The following PTPN2 variants were observed in gnomAD, a reference collection of about 807,000 sequenced individuals.
The protein encoded by PTPN2 is tyrosine-protein phosphatase non-receptor type 2.
Under a neutral mutation model 57.3 loss-of-function variants are expected in PTPN2, and 19 were observed. The observed-to-expected ratio is 0.33, with a 90% CI of 0.23 to 0.49. The LOEUF is 0.49. PTPN2 is among the 20% of genes least tolerant of loss of function. PTPN2 has a pLI of 0.99. For synonymous variants in PTPN2, 153 were observed against 164.9 expected (o/e 0.93, Z 0.55); for missense variants, 358 against 501.1 (o/e 0.71, Z 2.73).
exon 10 of PTPN2, chr18:12,785,752 G>A: frequency 2.1e-6 from 3 of 1,409,474 alleles, no homozygotes; most frequent in South Asian, 2.3e-5. Flanking sequence ...TTCCGGAGTG[G>A]GCTTCAGGTC....
At chr18:12,838,148 T>C (rs1336427837) in intron 2 of PTPN2, among the ~76,000 whole-genome samples, 2 of 152,224 alleles carry the variant, frequency 1.3e-5, no homozygotes, top group Non-Finnish European at 2.9e-5. Flanking sequence ...AACTACATGA[T>C]TTTAAAATTA....
chr18:12,879,560 G>A (rs1254307877), intron 1 of PTPN2, among the ~76,000 whole-genome samples: 1 of 152,208 alleles, frequency 6.6e-6, no homozygotes, highest in Non-Finnish European at 1.5e-5. Flanking sequence ...AAACTCTGAA[G>A]AAGTAATAAA....
At chr18:12,850,882 G>A (rs368999246) in intron 2 of PTPN2, among the ~76,000 whole-genome samples, 1 of 152,060 alleles carries the variant, frequency 6.6e-6, no homozygotes, top group Non-Finnish European at 1.5e-5. Context: ...TGAGATTACA[G>A]GCATGCACCA....
chr18:12,796,223 A>C (rs1383255265), intron 8 of PTPN2, among the ~76,000 whole-genome samples: 2 of 152,224 alleles, frequency 1.3e-5, no homozygotes, highest in African/African-American at 4.8e-5. Flanking sequence ...ATATAGTATC[A>C]ATCTTTGATT....
chr18:12,876,261 G>A (rs2044484124), intron 1 of PTPN2, among the ~76,000 whole-genome samples: 1 of 118,060 alleles, frequency 8.5e-6, no homozygotes, highest in African/African-American at 3.4e-5. Context: ...GGGAGTTCAA[G>A]ACCAGACCAG....
chr18:12,878,065 A>G (rs2044550414), intron 1 of PTPN2, among the ~76,000 whole-genome samples: 1 of 152,188 alleles, frequency 6.6e-6, no homozygotes, highest in African/African-American at 2.4e-5. Context: ...GGCCAGGCAC[A>G]GTGGCTCATG....
At chr18:12,807,586 A>AATATATATATATATATATATATAT (rs1339941310) in intron 7 of PTPN2, among the ~76,000 whole-genome samples, 3 of 35,170 alleles carry the variant, frequency 8.5e-5, no homozygotes, top group South Asian at 2.5e-3. Flanking sequence ...AAAAAAAAAA[A>AATATATATATATATATATATATAT]ATATATATAT....
chr18:12,805,639 CTT>C (rs755422217), intron 7 of PTPN2, among the ~76,000 whole-genome samples: 42 of 114,072 alleles, frequency 3.7e-4, no homozygotes, highest in African/African-American at 8.4e-4. Flanking sequence ...TGCCTCCTTT[CTT>C]TTTTTTTTTT....
Position 12,793,689 on chromosome 18 carries a change from C to T in PTPN2, c.*589G>A, listed in dbSNP as rs1179588033. On this transcript the variant is annotated 3_prime_UTR_variant, in exon 9 of 9. Coordinates refer to ENST00000309660, the MANE Select transcript of PTPN2 (RefSeq NM_002828.4). ...GAAAATGTATCCAGTACAATTCAAT[C>T]GACATACAATTTATTTTTTTAGTAA... 5.1e-6 allele frequency: 5 copies of T among 982,928 alleles called. No individual in the cohort carries two copies. Among genetic ancestry groups the T allele is most frequent in the South Asian group, 4.7e-5 (1 of 21,292 alleles). The allele number at this position is 982,928 out of a possible 1,614,324, so 60.9% of individuals were successfully genotyped here.
intron 5 of PTPN2, among the ~76,000 whole-genome samples, chr18:12,824,432 A>G (rs930390466): frequency 1.3e-4 from 20 of 152,322 alleles, no homozygotes; most frequent in Admixed American, 1.1e-3. Flanking sequence ...ACATCTAAAA[A>G]GCATGTATAT....
rs112731168 is a variant in PTPN2, at chr18:12,794,143, A to T, written c.*135T>A. The stretch of plus-strand genomic sequence containing the variant: ...TGAGATGTTGGGCTTGTGACTGTAA[A>T]TATCACTTATCTGGTTGATGTCTAT... On this transcript the variant is annotated 3_prime_UTR_variant, in exon 9 of 9. Coordinates refer to ENST00000309660, the MANE Select transcript of PTPN2 (RefSeq NM_002828.4). 9.3e-4 allele frequency: 1,373 copies of T among 1,472,858 alleles called. 17 individuals carry two copies. The African/African-American group carries it at 0.018, about 19-fold the overall frequency. 91.2% of individuals were successfully genotyped at this position (1,472,858 alleles called of 1,614,324 possible). A position where few individuals can be genotyped will look rare whatever the true frequency, so the allele number is the denominator to read the frequency against.
At chr18:12,834,234 C>T (rs1396246500) in intron 3 of PTPN2, among the ~76,000 whole-genome samples, 2 of 149,660 alleles carry the variant, frequency 1.3e-5, no homozygotes, top group East Asian at 2.0e-4. Flanking sequence ...GGCTGAAGCA[C>T]GAGAATCACT....
chr18:12,821,621 A>C (rs926289798), intron 5 of PTPN2, among the ~76,000 whole-genome samples: 1 of 152,246 alleles, frequency 6.6e-6, no homozygotes, highest in African/African-American at 2.4e-5. Context: ...AGAAACGGCT[A>C]GGGACAGGCT....
intron 1 of PTPN2, among the ~76,000 whole-genome samples, chr18:12,870,507 G>GT (rs367970136): frequency 6.4e-5 from 4 of 62,594 alleles, no homozygotes; most frequent in African/African-American, 2.8e-4. Flanking sequence ...AGAAAAGCGT[G>GT]TTGTTTTTTT....
chr18:12,840,759 TG>T (rs2043017766), intron 2 of PTPN2: 2 of 1,598,372 alleles, frequency 1.3e-6, no homozygotes, highest in Non-Finnish European at 1.7e-6. Flanking sequence ...TCCATCCAGT[TG>T]GTGCCTTTAC....
At chr18:12,810,189 AC>A (rs2041842599) in intron 7 of PTPN2, among the ~76,000 whole-genome samples, 1 of 151,540 alleles carries the variant, frequency 6.6e-6, no homozygotes, top group Non-Finnish European at 1.5e-5. Flanking sequence ...TCATGGAGAA[AC>A]CCTGTCTCTA....
chr18:12,789,835 ATATC>A (rs1386415426), downstream of PTPN2, among the ~76,000 whole-genome samples: 2 of 150,256 alleles, frequency 1.3e-5, no homozygotes, highest in African/African-American at 2.5e-5. Flanking sequence ...CTTTATTTTT[ATATC>A]TATTTTATAT....
At chr18:12,842,378 A>G (rs1598831933) in intron 2 of PTPN2, among the ~76,000 whole-genome samples, 1 of 152,370 alleles carries the variant, frequency 6.6e-6, no homozygotes, top group East Asian at 1.9e-4. Flanking sequence ...GTGATATAGC[A>G]ATAAGCATAA....
intron 8 of PTPN2, among the ~76,000 whole-genome samples, chr18:12,795,031 G>C (rs55948693): frequency 0.31 from 47,135 of 152,032 alleles, 7,646 homozygotes; most frequent in South Asian, 0.48. Context: ...AATAAGCAAG[G>C]TACTTTCTTG....
Sources: allele counts gnomAD v4.1 joint callset (sites outside exome capture counted in the v4.1 genomes callset), GRCh38; gene constraint gnomAD v4.1.1; transcripts MANE v1.5; gene names NCBI Gene and HGNC (gene_info 2026-07-23, HGNC 2026-07-21).